The following SLC38A1 variants were observed in gnomAD, a reference collection of about 807,000 sequenced individuals.
SLC38A1 encodes sodium-coupled neutral amino acid symporter 1.
A neutral mutation model predicts 60.3 loss-of-function variants in SLC38A1; 18 were observed. The observed-to-expected ratio is 0.30, with a 90% confidence interval of 0.21 to 0.44. The LOEUF (loss-of-function observed/expected upper bound fraction) is 0.44, where lower values mean the gene tolerates loss of function less well. SLC38A1 is among the 20% of genes least tolerant of loss of function. SLC38A1 has a pLI of 1.00. For synonymous variants in SLC38A1, 196 were observed against 212.1 expected (o/e 0.92, Z 0.66); for missense variants, 448 against 587.2 (o/e 0.76, Z 2.45).
At chr12:46,253,268 G>C (rs865816852) in intron 1 of SLC38A1, among the ~76,000 whole-genome samples, 2 of 152,330 alleles carry the variant, frequency 1.3e-5, no homozygotes, top group Middle Eastern at 3.4e-3. Context: ...AGGAAAGAAA[G>C]AATTCAGGGC....
intron 1 of SLC38A1, among the ~76,000 whole-genome samples, chr12:46,247,088 G>T (rs1941647114): frequency 1.3e-5 from 2 of 152,184 alleles, no homozygotes; most frequent in South Asian, 4.1e-4. Context: ...AAATGGAGGA[G>T]AAAAGCTGAA....
chr12:46,205,931 G>T, intron 9 of SLC38A1, 149 bp downstream of exon 9: 1 of 509,190 alleles, frequency 2.0e-6, no homozygotes, highest in East Asian at 3.2e-5. Flanking sequence ...CCATATTAAA[G>T]TTGGGACCGA....
intron 6 of SLC38A1, among the ~76,000 whole-genome samples, chr12:46,208,684 G>A (rs150598682): frequency 2.4e-4 from 36 of 152,270 alleles, no homozygotes; most frequent in Non-Finnish European, 8.8e-5. Context: ...AGAATGACAG[G>A]TCTGTTTACT....
intron 5 of SLC38A1, among the ~76,000 whole-genome samples, chr12:46,210,806 C>A (rs1304772171): frequency 1.3e-5 from 2 of 152,170 alleles, no homozygotes; most frequent in African/African-American, 4.8e-5. Context: ...GCCTCCCCAG[C>A]CACGTGGAAC....
chr12:46,212,630 G>T (rs996896401), intron 5 of SLC38A1, among the ~76,000 whole-genome samples: 6 of 152,300 alleles, frequency 3.9e-5, no homozygotes, highest in African/African-American at 1.4e-4. Context: ...GAAAGATGTG[G>T]TTCAGGACAT....
chr12:46,216,171 C>T (rs1026440301), intron 5 of SLC38A1, among the ~76,000 whole-genome samples: 1 of 152,182 alleles, frequency 6.6e-6, no homozygotes, highest in African/African-American at 2.4e-5. Flanking sequence ...TCCCATTCAT[C>T]TTTCATCTCC....
rs1438307090 is a variant in SLC38A1, at chr12:46,238,060, C to T, written c.122+1619G>A. Reference sequence around the variant, plus strand: ...GGATAAGTTATTTTCTTCCTCTGAACCTTAGTTTCCTTATTTGTAAACGGA... The same window carrying T: ...GGATAAGTTATTTTCTTCCTCTGAATCTTAGTTTCCTTATTTGTAAACGGA... On this transcript the variant is annotated intron_variant, in intron 3 of 16. Coordinates refer to ENST00000398637, the MANE Select transcript of SLC38A1 (RefSeq NM_030674.4). 2.6e-5 allele frequency among the ~76,000 whole-genome samples: 4 copies of T among 151,828 alleles called. No individual in the cohort carries two copies. The South Asian group carries it at 6.2e-4, about 24-fold the overall frequency.
intron 5 of SLC38A1, among the ~76,000 whole-genome samples, chr12:46,210,612 G>C (rs973823384): frequency 3.3e-5 from 5 of 152,138 alleles, no homozygotes; most frequent in Admixed American, 2.6e-4. Context: ...TGTTTTGGGA[G>C]GGACCCGGTG....
chr12:46,193,034 T>A (rs1300292827), intron 16 of SLC38A1, among the ~76,000 whole-genome samples: 1 of 152,204 alleles, frequency 6.6e-6, no homozygotes, highest in African/African-American at 2.4e-5. Flanking sequence ...GGGGTGTCGA[T>A]TTTAGATCTT....
At chr12:46,255,472 T>C (rs935674366) in intron 1 of SLC38A1, among the ~76,000 whole-genome samples, 1 of 152,224 alleles carries the variant, frequency 6.6e-6, no homozygotes, top group African/African-American at 2.4e-5. Context: ...TTTTACACTT[T>C]CCATAACTTG....
rs956758271 is a variant in SLC38A1 at position 46,183,184 on chromosome 12, T to A, written c.*5786A>T. On this transcript the variant is annotated 3_prime_UTR_variant, in exon 17 of 17. Transcript: ENST00000398637. Reference sequence around the variant, plus strand: ...AAAAAAAAAACCCAGTTCTATTTGATTAACTATGAATAGCAAAGTTTTGTG... The same window carrying A: ...AAAAAAAAAACCCAGTTCTATTTGAATAACTATGAATAGCAAAGTTTTGTG... The A allele has an allele frequency of 1.3e-5, 2 of 152,456 alleles. No homozygotes were observed. The highest frequency in any genetic ancestry group is 4.8e-5 in the African/African-American group (2 of 41,448). The allele number at this position is 152,456 out of a possible 1,614,324, so 9.4% of individuals were successfully genotyped here.
At chr12:46,240,038 A>G (rs1941393518) in intron 2 of SLC38A1, 145 bp from the exon 3 acceptor site, 6 of 475,014 alleles carry the variant, frequency 1.3e-5, no homozygotes, top group Non-Finnish European at 1.9e-5. Flanking sequence ...ATCTTTGTCT[A>G]TCAAGTTATG....
intron 5 of SLC38A1, among the ~76,000 whole-genome samples, chr12:46,211,392 G>A (rs1156976914): frequency 6.6e-6 from 1 of 151,990 alleles, no homozygotes; most frequent in Non-Finnish European, 1.5e-5. Flanking sequence ...TATGTGCCTA[G>A]CAGGAGGGGA....
intron 16 of SLC38A1, chr12:46,197,489 A>C: frequency 2.6e-6 from 1 of 381,620 alleles, no homozygotes; most frequent in South Asian, 2.8e-5. Flanking sequence ...CCTGGGCGAC[A>C]GAGTGAGACT....
rs1347187266 is a variant in SLC38A1 at position 46,198,717 on chromosome 12, T to C, written c.1030A>G (p.Lys344Glu). ...AGAATGTCATCTTTACTCTGATATT[T>C]GTGAAGGAGGTCGGACTGCACGTTG... ...YDNVQSDLLHKYQSKDDILIL... is the reference protein window; with the variant it reads ...YDNVQSDLLHEYQSKDDILIL... Residue 344 changes from lysine to glutamate, a missense_variant, in exon 14 of 17, where the codon AAA becomes GAA. Around this residue, in one of 2 missense-constraint regions of SLC38A1, gnomAD observed 346 missense variants for 497.5 expected, o/e 0.70. Coordinates refer to ENST00000398637, the MANE Select transcript of SLC38A1 (RefSeq NM_030674.4). The C allele has an allele frequency of 6.2e-7, 1 of 1,612,622 alleles. No homozygotes were observed. The highest frequency in any genetic ancestry group is 1.1e-5 in the South Asian group (1 of 90,872).
chr12:46,221,118 T>C (rs577189287), intron 5 of SLC38A1, among the ~76,000 whole-genome samples: 1 of 152,166 alleles, frequency 6.6e-6, no homozygotes, highest in Admixed American at 6.5e-5. Context: ...TTTGTAAACA[T>C]GGATCATAGA....
intron 5 of SLC38A1, among the ~76,000 whole-genome samples, chr12:46,218,646 T>C (rs1418802603): frequency 6.6e-6 from 1 of 152,088 alleles, no homozygotes; most frequent in East Asian, 1.9e-4. Context: ...ACCACTTTAT[T>C]GAGACAGGGG....
intron 16 of SLC38A1, chr12:46,196,339 C>A: frequency 6.6e-7 from 1 of 1,526,582 alleles, no homozygotes; most frequent in South Asian, 1.2e-5. Flanking sequence ...CATCCTGGGT[C>A]CAGTCTAACT....
intron 1 of SLC38A1, among the ~76,000 whole-genome samples, chr12:46,250,723 G>A (rs919006280): frequency 6.6e-6 from 1 of 152,100 alleles, no homozygotes; most frequent in African/African-American, 2.4e-5. Context: ...GCCAAATCAT[G>A]AGTGAACTCC....
Sources: allele counts gnomAD v4.1 joint callset (sites outside exome capture counted in the v4.1 genomes callset), GRCh38; gene constraint gnomAD v4.1.1; regional missense constraint gnomAD v4.1.1; transcripts MANE v1.5; gene names NCBI Gene and HGNC (gene_info 2026-07-23, HGNC 2026-07-21).